Variants in TRIO observed in about 807,000 individuals in gnomAD.
The protein encoded by TRIO is trio Rho guanine nucleotide exchange factor.
In TRIO, 58 loss-of-function variants were observed where a neutral mutation model predicts 351.9. The ratio of observed to expected loss-of-function variants is 0.16; its 90% CI spans 0.13 to 0.21. TRIO has a LOEUF of 0.21. TRIO is among the 10% of genes least tolerant of loss of function. The probability of loss-of-function intolerance (pLI) is 1.00; values close to 1 mark genes in which losing one functional copy is unlikely to be tolerated. For synonymous variants in TRIO, 1,758 were observed against 1,595.7 expected, an observed-to-expected ratio of 1.10 and a Z score of -2.42; for missense variants, 3,201 against 4,027.8, an observed-to-expected ratio of 0.79 and a Z score of 5.56.
At chr5:14,200,689 A>G (rs1791054587) in intron 1 of TRIO, among the ~76,000 whole-genome samples, 1 of 152,210 alleles carries the variant, frequency 6.6e-6, no homozygotes, top group East Asian at 1.9e-4. Context: ...AAGTGCAGTA[A>G]GGGAGGGAGT....
intron 6 of TRIO, among the ~76,000 whole-genome samples, chr5:14,295,609 G>A (rs1047775644): frequency 5.3e-5 from 8 of 152,138 alleles, no homozygotes; most frequent in African/African-American, 7.2e-5. Flanking sequence ...CAGACCTGTC[G>A]GACTGGCTTT....
intron 1 of TRIO, among the ~76,000 whole-genome samples, chr5:14,205,872 A>G (rs765374208): frequency 1.3e-5 from 2 of 151,972 alleles, no homozygotes; most frequent in South Asian, 4.2e-4. Flanking sequence ...AGCTGGAATT[A>G]CAGGCCCGTG....
At chr5:14,330,658 C>A in intron 9 of TRIO, 120 bp from the exon 10 acceptor site, 2 of 1,272,508 alleles carry the variant, frequency 1.6e-6, no homozygotes, top group Non-Finnish European at 2.1e-6. Context: ...TTTTTTTTCT[C>A]GTTTGCTTCT....
intron 44 of TRIO, 30 bp from the exon 45 acceptor site, chr5:14,481,511 G>T (rs139398592): frequency 1.3e-5 from 21 of 1,612,904 alleles, no homozygotes; most frequent in Non-Finnish European, 1.8e-5. Context: ...AGGAACTTGA[G>T]CTTTCACTCT....
intron 20 of TRIO, among the ~76,000 whole-genome samples, chr5:14,378,613 G>T (rs1201633066): frequency 9.9e-5 from 15 of 151,332 alleles, no homozygotes; most frequent in Non-Finnish European, 1.0e-4. Flanking sequence ...AGGCTGGAGT[G>T]CAATGGCACG....
chr5:14,362,630 CTTAGAAG>C (rs753266993), intron 13 of TRIO, among the ~76,000 whole-genome samples: 15 of 152,282 alleles, frequency 9.9e-5, no homozygotes, highest in Non-Finnish European at 1.6e-4. Context: ...TTCCTCTAAA[CTTAGAAG>C]TTAGATGCAA....
chr5:14,446,176 TGATCACTCC>T lies in TRIO; in HGVS notation c.5204-14840_5204-14832del, dbSNP rs560821114. On this transcript the variant is annotated intron_variant, in intron 34 of 56. Transcript: ENST00000344204. ...TCGCTCCCTTCCTCTATCCTCACTG[TGATCACTCC>T]GAGGCTTGACAGGCAGGGAAGAGTT... Among the ~76,000 whole-genome samples, 19 of 152,068 alleles carry T rather than the reference TGATCACTCC, an allele frequency of 1.2e-4. No individual in the cohort carries two copies. The East Asian group carries it at 3.5e-3, about 28-fold the overall frequency.
At chr5:14,204,094 C>T (rs1411745258) in intron 1 of TRIO, among the ~76,000 whole-genome samples, 1 of 152,170 alleles carries the variant, frequency 6.6e-6, no homozygotes, top group Non-Finnish European at 1.5e-5. Context: ...ATAGCCTAGA[C>T]GTTTTAAAAG....
intron 1 of TRIO, among the ~76,000 whole-genome samples, chr5:14,192,195 G>A (rs947749134): frequency 6.6e-6 from 1 of 151,944 alleles, no homozygotes; most frequent in Non-Finnish European, 1.5e-5. Context: ...CTTCTTGGAC[G>A]CCAAGGAGGT....
chr5:14,290,665 A>G (rs1332308700), intron 4 of TRIO, 51 bp from the exon 5 acceptor site: 16 of 1,524,674 alleles, frequency 1.0e-5, no homozygotes, highest in Non-Finnish European at 1.4e-5. Context: ...ATTATGTTAA[A>G]ACTATATAAA....
intron 23 of TRIO, 195 bp downstream of exon 23, chr5:14,388,042 C>T (rs868508092): frequency 7.5e-5 from 43 of 572,216 alleles, no homozygotes; most frequent in Middle Eastern, 9.2e-4. Context: ...GAAACAGCAT[C>T]TAGTTTTTAT....
chr5:14,377,627 G>C (rs1745678622), intron 19 of TRIO, among the ~76,000 whole-genome samples: 1 of 150,844 alleles, frequency 6.6e-6, no homozygotes. Flanking sequence ...CTGTATAAAA[G>C]TCCATCTACA....
chr5:14,405,481 C>T (rs1748625525), intron 31 of TRIO, among the ~76,000 whole-genome samples: 1 of 152,188 alleles, frequency 6.6e-6, no homozygotes, highest in Admixed American at 6.5e-5. Flanking sequence ...AGTATGCCCC[C>T]TACTGACCAG....
chr5:14,444,888 A>G (rs764496084), intron 34 of TRIO, among the ~76,000 whole-genome samples: 1 of 152,284 alleles, frequency 6.6e-6, no homozygotes, highest in East Asian at 1.9e-4. Flanking sequence ...ACCTCCCCCA[A>G]AAAGTGCCCA....
chr5:14,384,851 A>T (rs1315636202), intron 21 of TRIO, among the ~76,000 whole-genome samples: 1 of 146,414 alleles, frequency 6.8e-6, no homozygotes, highest in Admixed American at 7.0e-5. Flanking sequence ...GAAATAGAGA[A>T]GATATATAGG....
rs754779359 is a variant in TRIO, at chr5:14,482,590, C to T, written c.6474C>T (p.Ile2158=). Residue 2158 remains isoleucine (I), a synonymous_variant, in exon 46 of 57, where the codon ATC becomes ATT. Transcript: ENST00000344204. ...TTTATTTCTTGTTTTAGGGGAAAAT[C>T]GTTGCCCAGGGTAAACTGCTCTTGC... is the stretch of plus-strand genomic sequence containing the variant. ...VGRLQGFDGK[I]VAQGKLLLQD... The T allele has an allele frequency of 3.9e-5, 57 of 1,448,794 alleles. No individual in the cohort carries two copies. The highest frequency in any genetic ancestry group is 5.1e-5 in the East Asian group (2 of 38,890). 89.7% of individuals were successfully genotyped at this position (1,448,794 alleles called of 1,614,324 possible). A position where few individuals can be genotyped will look rare whatever the true frequency, so the allele number is the denominator to read the frequency against.
At chr5:14,238,944 G>T (rs991897954) in intron 1 of TRIO, among the ~76,000 whole-genome samples, 1 of 152,170 alleles carries the variant, frequency 6.6e-6, no homozygotes, top group African/African-American at 2.4e-5. Flanking sequence ...CAGGTACTTC[G>T]TAGGATTAAG....
intron 1 of TRIO, among the ~76,000 whole-genome samples, chr5:14,168,772 A>C (rs892881297): frequency 2.6e-5 from 4 of 152,182 alleles, no homozygotes; most frequent in African/African-American, 4.8e-5. Context: ...CTATATGTCC[A>C]TCTATGTGGC....
intron 16 of TRIO, 68 bp from the exon 17 acceptor site, chr5:14,368,640 A>G (rs1579448218): frequency 2.6e-6 from 4 of 1,519,324 alleles, no homozygotes; most frequent in Non-Finnish European, 1.8e-6. Context: ...AACTGTAGCC[A>G]TCCTGGTTCC....
Sources: gnomAD v4.1 joint callset for allele counts (sites outside exome capture counted in the v4.1 genomes callset) on GRCh38, gnomAD v4.1.1 for gene constraint, MANE v1.5 for transcripts, NCBI Gene and HGNC (gene_info 2026-07-23, HGNC 2026-07-21) for gene names.